Variants in MECOM observed in about 807,000 individuals in gnomAD.
The protein encoded by MECOM is MDS1 and EVI1 complex locus.
MECOM carries 13 observed loss-of-function variants against 116.3 expected under a neutral mutation model. The ratio of observed to expected loss-of-function variants is 0.11; its 90% confidence interval spans 0.07 to 0.18. The LOEUF is 0.18. Among genes scored for constraint, MECOM ranks in the 10% least tolerant of loss-of-function variants. The pLI is 1.00. For missense variants in MECOM, 1,299 were observed against 1,509.0 expected, an observed-to-expected ratio of 0.86 and a Z score of 2.31; for synonymous variants, 528 against 535.2, an observed-to-expected ratio of 0.99 and a Z score of 0.19.
chr3:169,193,482 T>C (rs994728705), intron 2 of MECOM, among the ~76,000 whole-genome samples: 11 of 151,968 alleles, frequency 7.2e-5, no homozygotes, highest in African/African-American at 2.7e-4. Flanking sequence ...AAAGTTAAAA[T>C]AAATAAATTT....
At chr3:169,240,303 A>T (rs961144681) in intron 2 of MECOM, among the ~76,000 whole-genome samples, 2 of 152,194 alleles carry the variant, frequency 1.3e-5, no homozygotes, top group Non-Finnish European at 2.9e-5. Context: ...TCCAGCATAG[A>T]TGAGGAAGAA....
intron 1 of MECOM, among the ~76,000 whole-genome samples, chr3:169,634,936 C>T (rs780928833): frequency 2.1e-4 from 32 of 151,798 alleles, no homozygotes; most frequent in Non-Finnish European, 3.2e-4. Flanking sequence ...TCTCCAGCAC[C>T]TTGTTTTTCT....
In MECOM at chr3:169,494,475, TA is replaced by T. The variant is rs199634724; in HGVS notation, c.38-112952del. On this transcript the variant is annotated intron_variant, in intron 1 of 16. Coordinates refer to ENST00000651503, the MANE Select transcript of MECOM (RefSeq NM_004991.4). ...AAGTTCTAACTGTTGAGAATACAAT[TA>T]AAGCAAGGAAAAGTTAAAAAGATCA... 3.8e-3 allele frequency among the ~76,000 whole-genome samples: 572 copies of T among 152,224 alleles called. 17 individuals carry two copies. The highest frequency in any genetic ancestry group is 0.034 in the Admixed American group (525 of 15,300).
In MECOM at chr3:169,340,798, G is replaced by A. The variant is rs538886864; in HGVS notation, c.375+40389C>T. Among the ~76,000 whole-genome samples, 28 of 152,220 alleles carry A rather than the reference G, an allele frequency of 1.8e-4. No homozygotes were observed. The East Asian group carries it at 5.0e-3, about 27-fold the overall frequency. ...AATGTGACAGCTCAAGATGATTTAG[G>A]GGATAAAAAGGGAATCCATCAGCTT... On this transcript the variant is annotated intron_variant, in intron 2 of 16. Coordinates refer to ENST00000651503, the MANE Select transcript of MECOM (RefSeq NM_004991.4).
rs1724761382 is a variant in MECOM at position 169,342,814 on chromosome 3, C to T, written c.375+38373G>A. ...AGTAGAGAGAAAGTGGGAATGTGGC[C>T]ACTAGGAGCTGACAATAGCTGTTTT... On this transcript the variant is annotated intron_variant, in intron 2 of 16. Coordinates refer to ENST00000651503, the MANE Select transcript of MECOM (RefSeq NM_004991.4). Among the ~76,000 whole-genome samples the T allele has an allele frequency of 2.6e-5, 4 of 152,106 alleles. No homozygotes were observed. In the South Asian group the frequency reaches 8.3e-4, roughly 32 times the overall value.
intron 1 of MECOM, among the ~76,000 whole-genome samples, chr3:169,485,953 G>A (rs111465404): frequency 0.54 from 55,678 of 103,234 alleles, 14,938 homozygotes; most frequent in South Asian, 0.64. Flanking sequence ...ATGTATATAT[G>A]TACATATATA....
At chr3:169,267,717 A>T (rs1758480383) in intron 2 of MECOM, among the ~76,000 whole-genome samples, 1 of 152,124 alleles carries the variant, frequency 6.6e-6, no homozygotes, top group Non-Finnish European at 1.5e-5. Flanking sequence ...TACTACTGGG[A>T]TGTGATAGAA....
intron 1 of MECOM, among the ~76,000 whole-genome samples, chr3:169,545,763 G>A (rs370179262): frequency 1.2e-4 from 18 of 152,294 alleles, no homozygotes; most frequent in African/African-American, 4.1e-4. Flanking sequence ...GACACAGCCT[G>A]AGGCACATCC....
At chr3:169,659,126 G>A (rs140269432) in intron 1 of MECOM, among the ~76,000 whole-genome samples, 1 of 151,402 alleles carries the variant, frequency 6.6e-6, no homozygotes, top group Non-Finnish European at 1.5e-5. Context: ...AAAATTCGTG[G>A]AATGACATGT....
rs571810345 is a variant in MECOM at position 169,662,652 on chromosome 3, G to T, written c.37+684C>A. Among the ~76,000 whole-genome samples, 10 of 132,910 alleles carry T rather than the reference G, an allele frequency of 7.5e-5. No individual in the cohort carries two copies. The South Asian group carries it at 2.6e-3, about 35-fold the overall frequency. The allele number at this position is 132,910 out of a possible 152,430, so 87.2% of individuals were successfully genotyped here. A position where few individuals can be genotyped will look rare whatever the true frequency, so the allele number is the denominator to read the frequency against. ...CGCAGTCCTCCCGCCGCGCAGCGCC[G>T]CGCCGGAGAGCATGGCCGAGCGCAC... is the stretch of plus-strand genomic sequence containing the variant. On this transcript the variant is annotated intron_variant, in intron 1 of 16. Coordinates refer to ENST00000651503, the MANE Select transcript of MECOM (RefSeq NM_004991.4).
At chr3:169,283,589 T>C (rs1712629433) in intron 2 of MECOM, among the ~76,000 whole-genome samples, 1 of 152,130 alleles carries the variant, frequency 6.6e-6, no homozygotes, top group Non-Finnish European at 1.5e-5. Context: ...TAATTATAGA[T>C]CTCATCTCCA....
At chr3:169,428,306 G>C (rs372337203) in intron 1 of MECOM, among the ~76,000 whole-genome samples, 3 of 152,310 alleles carry the variant, frequency 2.0e-5, no homozygotes, top group East Asian at 1.9e-4. Context: ...CATGGACTGT[G>C]GGGGGTTGGT....
chr3:169,197,866 C>G (rs1748636157), intron 2 of MECOM, among the ~76,000 whole-genome samples: 1 of 151,982 alleles, frequency 6.6e-6, no homozygotes, highest in Non-Finnish European at 1.5e-5. Context: ...TAGCAACTGA[C>G]AGGCGTTTGA....
At chr3:169,247,471 A>C (rs1208174386) in intron 2 of MECOM, among the ~76,000 whole-genome samples, 3 of 152,016 alleles carry the variant, frequency 2.0e-5, no homozygotes, top group Non-Finnish European at 4.4e-5. Context: ...ACCCTGGCTA[A>C]TTTTGTATTT....
At chr3:169,569,509 A>G (rs189968414) in intron 1 of MECOM, among the ~76,000 whole-genome samples, 1 of 152,124 alleles carries the variant, frequency 6.6e-6, no homozygotes, top group African/African-American at 2.4e-5. Flanking sequence ...AACTCTCTAC[A>G]CCAAATCAAC....
At chr3:169,455,248 A>G (rs1024587019) in intron 1 of MECOM, among the ~76,000 whole-genome samples, 2 of 152,210 alleles carry the variant, frequency 1.3e-5, no homozygotes, top group African/African-American at 4.8e-5. Context: ...AGCTCTTATA[A>G]TACTCTTCTG....
chr3:169,627,200 T>C (rs1771486464), intron 1 of MECOM, among the ~76,000 whole-genome samples: 1 of 152,184 alleles, frequency 6.6e-6, no homozygotes, highest in African/African-American at 2.4e-5. Flanking sequence ...AAAGCAGGTG[T>C]ACACGGCCCA....
At chr3:169,560,867 T>C (rs71306639) in intron 1 of MECOM, among the ~76,000 whole-genome samples, 3,033 of 152,118 alleles carry the variant, frequency 0.02, 47 homozygotes, top group Non-Finnish European at 0.031. Flanking sequence ...GGGTGACTTT[T>C]TTTTCTATAT....
At chr3:169,572,681 A>T (rs1764047677) in intron 1 of MECOM, among the ~76,000 whole-genome samples, 1 of 151,808 alleles carries the variant, frequency 6.6e-6, no homozygotes, top group Non-Finnish European at 1.5e-5. Context: ...ATGCAGGGAC[A>T]TGGATGAAGC....
Sources: allele counts gnomAD v4.1 joint callset (sites outside exome capture counted in the v4.1 genomes callset), GRCh38; gene constraint gnomAD v4.1.1; transcripts MANE v1.5; gene names NCBI Gene and HGNC (gene_info 2026-07-23, HGNC 2026-07-21).